Variants in SLC4A4 observed in about 807,000 individuals in gnomAD.
The protein encoded by SLC4A4 is electrogenic sodium bicarbonate cotransporter 1.
Under a neutral mutation model 111.5 loss-of-function variants are expected in SLC4A4, and 27 were observed. The ratio of observed to expected loss-of-function variants is 0.24; its 90% CI spans 0.18 to 0.33. SLC4A4 has a LOEUF of 0.33. Ranked by LOEUF, SLC4A4 falls within the 10% of genes least tolerant of loss-of-function variation. The pLI is 1.00. For missense variants in SLC4A4, 909 were observed against 1,315.5 expected (o/e 0.69, Z 4.78); for synonymous variants, 443 against 463.4 (o/e 0.96, Z 0.57).
chr4:71,549,778 C>G (rs867660550), intron 20 of SLC4A4, among the ~76,000 whole-genome samples: 1 of 151,784 alleles, frequency 6.6e-6, no homozygotes, highest in Non-Finnish European at 1.5e-5. Context: ...GCAAGACTTA[C>G]ATTTTCAACA....
In SLC4A4 at chr4:71,349,983, C is replaced by T; in HGVS notation, c.461C>T (p.Ser154Phe). ...RWSKPHVATL[S>F]LHSLFELRTC... is the part of the protein sequence containing the mutation. ...AGCAAGCCCCATGTGGCCACATTGT[C>T]CCTTCATAGTTTATTTGAGCTGAGG... Residue 154 changes from serine to phenylalanine, a missense_variant, in exon 5 of 26, where the codon TCC becomes TTC. By Grantham distance (155) the Ser-to-Phe change is radical. Coordinates refer to ENST00000264485, the MANE Select transcript of SLC4A4 (RefSeq NM_001098484.3). 2 of 1,614,046 alleles carry T rather than the reference C, an allele frequency of 1.2e-6. No individual in the cohort carries two copies. Among genetic ancestry groups the T allele is most frequent in the African/African-American group, 1.3e-5 (1 of 75,030 alleles).
intron 2 of SLC4A4, among the ~76,000 whole-genome samples, chr4:71,178,460 A>T (rs997623156): frequency 1.3e-5 from 2 of 152,144 alleles, no homozygotes; most frequent in African/African-American, 2.4e-5. Context: ...GACCGCTAGC[A>T]AGACTAATAA....
intron 3 of SLC4A4, among the ~76,000 whole-genome samples, chr4:71,278,128 CT>C (rs1360489227): frequency 1.3e-5 from 2 of 152,058 alleles, no homozygotes; most frequent in African/African-American, 2.4e-5. Context: ...GGTAACTGCC[CT>C]TTTACTCTCC....
intron 18 of SLC4A4, among the ~76,000 whole-genome samples, chr4:71,537,452 G>T (rs757253830): frequency 3.1e-4 from 47 of 150,762 alleles, no homozygotes; most frequent in Admixed American, 9.3e-4. Context: ...TGTATATATA[G>T]AGAGAGAGAG....
rs192447124 is a variant in SLC4A4 at position 71,535,519 on chromosome 4, T to A, written c.2442+1131T>A. The stretch of plus-strand genomic sequence containing the variant: ...GTTTGGAAGGAGAGAAAGCTGAGAT[T>A]GATGAACTGGTCCAAAGCATGTGGC... On this transcript the variant is annotated intron_variant, in intron 18 of 25. Transcript: ENST00000264485. Among the ~76,000 whole-genome samples the A allele has an allele frequency of 1.4e-3, 217 of 152,260 alleles. 1 individual carries two copies. Among genetic ancestry groups the A allele is most frequent in the African/African-American group, 4.8e-3 (198 of 41,572 alleles).
chr4:71,520,072 G>A (rs138475546), intron 16 of SLC4A4, among the ~76,000 whole-genome samples: 1 of 152,292 alleles, frequency 6.6e-6, no homozygotes, highest in African/African-American at 2.4e-5. Flanking sequence ...TTCTTAAATA[G>A]TGTTTTATAA....
chr4:71,254,663 A>C (rs1721310014), intron 2 of SLC4A4, among the ~76,000 whole-genome samples: 1 of 152,110 alleles, frequency 6.6e-6, no homozygotes, highest in Non-Finnish European at 1.5e-5. Context: ...AAAAAAAAAA[A>C]AAGTTTTAAT....
At chr4:71,466,637 C>A in intron 13 of SLC4A4, 60 bp downstream of exon 13, 1 of 1,496,452 alleles carries the variant, frequency 6.7e-7, no homozygotes, top group Non-Finnish European at 9.3e-7. Flanking sequence ...CCTTTATAGG[C>A]TAGATAGAGC....
chr4:71,546,916 A>G (rs368260650), intron 19 of SLC4A4, among the ~76,000 whole-genome samples: 10 of 151,916 alleles, frequency 6.6e-5, no homozygotes, highest in South Asian at 2.1e-4. Flanking sequence ...TTATTTTCCA[A>G]TTCATTTTCT....
intron 1 of SLC4A4, among the ~76,000 whole-genome samples, chr4:71,087,884 G>T (rs1474967944): frequency 6.6e-6 from 1 of 152,004 alleles, no homozygotes; most frequent in Non-Finnish European, 1.5e-5. Flanking sequence ...ATATTCTGTT[G>T]ATTTGGGGTG....
intron 7 of SLC4A4, among the ~76,000 whole-genome samples, chr4:71,404,975 G>GTATA (rs545776991): frequency 1.3e-5 from 2 of 150,452 alleles, no homozygotes; most frequent in Non-Finnish European, 3.0e-5. Flanking sequence ...TTTTTTTTGT[G>GTATA]TATATATATA....
intron 2 of SLC4A4, among the ~76,000 whole-genome samples, chr4:71,149,087 A>C (rs988926488): frequency 7.9e-5 from 12 of 152,164 alleles, no homozygotes; most frequent in African/African-American, 1.2e-4. Flanking sequence ...AGCTATTCAA[A>C]GAAATTAATT....
chr4:71,301,026 C>T lies in SLC4A4; in HGVS notation c.254-38344C>T, dbSNP rs541518668. ...CCCCCTACAGCCATGCTTGCCAGCC[C>T]ACTAGAAGGGAGAAGGTGCTTAACA... On this transcript the variant is annotated intron_variant, in intron 3 of 25. Coordinates refer to ENST00000264485, the MANE Select transcript of SLC4A4 (RefSeq NM_001098484.3). 94 of 435,640 alleles carry T rather than the reference C, an allele frequency of 2.2e-4. 1 individual carries two copies. Among genetic ancestry groups the T allele is most frequent in the South Asian group, 1.7e-3 (92 of 54,678 alleles). 27.0% of individuals were successfully genotyped at this position (435,640 alleles called of 1,614,324 possible). A position where few individuals can be genotyped will look rare whatever the true frequency, so the allele number is the denominator to read the frequency against.
intron 15 of SLC4A4, among the ~76,000 whole-genome samples, chr4:71,491,757 G>A (rs1729939705): frequency 6.6e-6 from 1 of 151,706 alleles, no homozygotes; most frequent in Admixed American, 6.6e-5. Context: ...TATTAGAAAT[G>A]TTTTGATCTT....
chr4:71,160,139 G>A lies in SLC4A4; in HGVS notation c.-2+67347G>A, dbSNP rs183133184. The stretch of plus-strand genomic sequence containing the variant: ...GAAAACTCAGCGTTAGAGAAACTAG[G>A]TAACATCAACCAAAGATATGCAGCT... On this transcript the variant is annotated intron_variant, in intron 2 of 26. Coordinates refer to the SLC4A4 transcript ENST00000649996. Among the ~76,000 whole-genome samples, 68 of 152,100 alleles carry A rather than the reference G, an allele frequency of 4.5e-4. 2 individuals carry two copies. In the East Asian group the frequency reaches 0.012, roughly 28 times the overall value.
intron 3 of SLC4A4, among the ~76,000 whole-genome samples, chr4:71,328,777 C>T (rs954521996): frequency 2.0e-5 from 3 of 152,072 alleles, no homozygotes; most frequent in Non-Finnish European, 4.4e-5. Context: ...GTTGTCTCTT[C>T]ACTTTGTTGA....
At chr4:71,154,246 A>G (rs1216648430) in intron 2 of SLC4A4, among the ~76,000 whole-genome samples, 1 of 152,128 alleles carries the variant, frequency 6.6e-6, no homozygotes, top group Admixed American at 6.5e-5. Context: ...AAGGCTTGGT[A>G]TTATGAAGGT....
At chr4:71,423,267 A>T (rs1181698424) in intron 7 of SLC4A4, among the ~76,000 whole-genome samples, 1 of 152,318 alleles carries the variant, frequency 6.6e-6, no homozygotes, top group East Asian at 1.9e-4. Context: ...AATACCTAGG[A>T]ATCCACCTTA....
At chr4:71,181,109 A>G (rs905188954) in intron 2 of SLC4A4, among the ~76,000 whole-genome samples, 5 of 151,448 alleles carry the variant, frequency 3.3e-5, no homozygotes, top group African/African-American at 9.7e-5. Context: ...GCAAACTATC[A>G]CAAGGACAAA....
Sources: gnomAD v4.1 joint callset for allele counts (sites outside exome capture counted in the v4.1 genomes callset) on GRCh38, gnomAD v4.1.1 for gene constraint, MANE v1.5 for transcripts, NCBI Gene and HGNC (gene_info 2026-07-23, HGNC 2026-07-21) for gene names.